Variants in SEMA6D observed in about 807,000 individuals in gnomAD.
SEMA6D encodes the protein semaphorin 6D.
SEMA6D carries 35 observed loss-of-function variants against 106.6 expected under a neutral mutation model. The observed-to-expected ratio is 0.33, with a 90% CI of 0.25 to 0.44. The LOEUF (loss-of-function observed/expected upper bound fraction) is 0.44. Ranked by LOEUF, SEMA6D falls within the 20% of genes least tolerant of loss-of-function variation. The pLI is 1.00. For missense variants in SEMA6D, 1,185 were observed against 1,345.9 expected, an observed-to-expected ratio of 0.88 and a Z score of 1.87; for synonymous variants, 499 against 487.7, an observed-to-expected ratio of 1.02 and a Z score of -0.31.
Position 47,768,636 on chromosome 15 carries a change from A to C in SEMA6D, c.1821A>C (p.Thr607=). 6.2e-7 allele frequency: 1 copy of C among 1,613,390 alleles called. No homozygotes were observed. The highest frequency in any genetic ancestry group is 8.5e-7 in the Non-Finnish European group (1 of 1,179,452). The change falls in exon 18 of 19, where the codon ACA becomes ACC. Residue 607 remains threonine (T), a synonymous_variant. Transcript: ENST00000536845. ...VTTMASIPEI[T]PKVIDTWRPK... The stretch of plus-strand genomic sequence containing the variant: ...CAATGGCAAGTATCCCAGAAATCAC[A>C]CCTAAAGTGATTGATACCTGGAGAC...
At chr15:47,742,875 A>G (rs1420933511) in intron 1 of SEMA6D, among the ~76,000 whole-genome samples, 1 of 152,148 alleles carries the variant, frequency 6.6e-6, no homozygotes, top group Non-Finnish European at 1.5e-5. Flanking sequence ...TTTTTGTCAA[A>G]GAGCTGCAGG....
rs547980095 is a variant in SEMA6D, at chr15:47,352,686, G to A, written c.-238-59707G>A. On this transcript the variant is annotated intron_variant, in intron 1 of 19. Transcript: ENST00000558014. Reference sequence around the variant, plus strand: ...TCTTTTAGCCACCTCCAGTTCATGAGATAAAAAGAGATAGGGGTGAAGGCT... The same window carrying A: ...TCTTTTAGCCACCTCCAGTTCATGAAATAAAAAGAGATAGGGGTGAAGGCT... Among the ~76,000 whole-genome samples, 5 of 152,310 alleles carry A rather than the reference G, an allele frequency of 3.3e-5. No individual in the cohort carries two copies. The East Asian group carries it at 9.6e-4, about 29-fold the overall frequency.
intron 4 of SEMA6D, among the ~76,000 whole-genome samples, chr15:47,631,094 A>G (rs10220904): frequency 0.017 from 2,632 of 151,924 alleles, 79 homozygotes; most frequent in African/African-American, 0.06. Flanking sequence ...TGGTAGCAGG[A>G]CATTATTAGT....
At chr15:47,223,942 A>G (rs991124337) in intron 1 of SEMA6D, among the ~76,000 whole-genome samples, 5 of 152,036 alleles carry the variant, frequency 3.3e-5, no homozygotes, top group South Asian at 2.1e-4. Flanking sequence ...AATGTTTGCT[A>G]TATGGTTGTC....
intron 3 of SEMA6D, among the ~76,000 whole-genome samples, chr15:47,554,055 A>G (rs1483158035): frequency 1.3e-5 from 2 of 152,204 alleles, no homozygotes; most frequent in Admixed American, 6.5e-5. Context: ...CAGGGGATCT[A>G]GGCATTATCT....
At chr15:47,461,465 A>G (rs2042508666) in intron 2 of SEMA6D, among the ~76,000 whole-genome samples, 1 of 152,112 alleles carries the variant, frequency 6.6e-6, no homozygotes, top group Admixed American at 6.6e-5. Flanking sequence ...TATTTGTTGG[A>G]CAAATGATTA....
chr15:47,330,018 A>G (rs2037282250), intron 1 of SEMA6D, among the ~76,000 whole-genome samples: 1 of 152,194 alleles, frequency 6.6e-6, no homozygotes, highest in Non-Finnish European at 1.5e-5. Flanking sequence ...CTCTATTTAT[A>G]ATGAGCATCT....
At chr15:47,604,891 A>G (rs921869376) in intron 4 of SEMA6D, among the ~76,000 whole-genome samples, 2 of 120,912 alleles carry the variant, frequency 1.7e-5, no homozygotes, top group Non-Finnish European at 3.5e-5. Flanking sequence ...TATTTTTAGT[A>G]GAAATAAGGT....
chr15:47,338,535 A>T (rs1234660856), intron 1 of SEMA6D, among the ~76,000 whole-genome samples: 5 of 152,222 alleles, frequency 3.3e-5, no homozygotes, highest in Non-Finnish European at 7.3e-5. Flanking sequence ...AAATTAAATT[A>T]GAAAAAAATT....
chr15:47,190,239 A>G (rs910816719), intron 1 of SEMA6D, among the ~76,000 whole-genome samples: 2 of 152,324 alleles, frequency 1.3e-5, no homozygotes, highest in East Asian at 1.9e-4. Flanking sequence ...TTGTTCAGGT[A>G]TGAATAACTC....
intron 4 of SEMA6D, among the ~76,000 whole-genome samples, chr15:47,672,263 C>A (rs1402523055): frequency 6.6e-6 from 1 of 152,212 alleles, no homozygotes; most frequent in Admixed American, 6.5e-5. Context: ...CATTTTGTGT[C>A]TGACGTTGTC....
chr15:47,264,567 A>G (rs1226248374), intron 1 of SEMA6D, among the ~76,000 whole-genome samples: 7 of 152,042 alleles, frequency 4.6e-5, no homozygotes, highest in African/African-American at 1.2e-4. Flanking sequence ...GTCATTGTAT[A>G]TATGTGTATG....
intron 1 of SEMA6D, among the ~76,000 whole-genome samples, chr15:47,234,292 C>G (rs1263358099): frequency 6.6e-6 from 1 of 151,806 alleles, no homozygotes; most frequent in African/African-American, 2.4e-5. Flanking sequence ...GAGACTAATG[C>G]ATTTATGCTT....
chr15:47,660,716 A>G (rs989842964), intron 4 of SEMA6D, among the ~76,000 whole-genome samples: 4 of 152,126 alleles, frequency 2.6e-5, no homozygotes, highest in African/African-American at 9.7e-5. Context: ...ACTATTTTTG[A>G]TATTAGAAGT....
intron 4 of SEMA6D, among the ~76,000 whole-genome samples, chr15:47,709,492 C>T (rs1439530308): frequency 6.6e-6 from 1 of 152,216 alleles, no homozygotes. Flanking sequence ...TCGTTTATCT[C>T]TGTGTAGCAC....
chr15:47,722,286 G>A (rs2079467540), intron 1 of SEMA6D, among the ~76,000 whole-genome samples: 1 of 152,130 alleles, frequency 6.6e-6, no homozygotes, highest in Non-Finnish European at 1.5e-5. Flanking sequence ...TACTTGAAAA[G>A]GGGAAGAAAG....
At chr15:47,440,969 C>T (rs2041864173) in intron 2 of SEMA6D, among the ~76,000 whole-genome samples, 1 of 152,066 alleles carries the variant, frequency 6.6e-6, no homozygotes, top group Non-Finnish European at 1.5e-5. Flanking sequence ...ATCTGTTTGT[C>T]CTCACCTTGT....
chr15:47,552,909 T>A (rs1430264878), intron 3 of SEMA6D, among the ~76,000 whole-genome samples: 74 of 107,224 alleles, frequency 6.9e-4, no homozygotes, highest in Middle Eastern at 4.3e-3. Flanking sequence ...TATATATAAA[T>A]ATATATATAT....
intron 1 of SEMA6D, among the ~76,000 whole-genome samples, chr15:47,348,698 CA>C (rs1317773262): frequency 1.7e-4 from 19 of 111,118 alleles, no homozygotes; most frequent in East Asian, 4.6e-4. Context: ...CACACACACA[CA>C]CACACACACA....
Sources: gnomAD v4.1 joint callset for allele counts (sites outside exome capture counted in the v4.1 genomes callset) on GRCh38, gnomAD v4.1.1 for gene constraint, MANE v1.5 for transcripts, NCBI Gene and HGNC (gene_info 2026-07-23, HGNC 2026-07-21) for gene names.